The following SGCZ variants were observed in gnomAD, a reference collection of about 807,000 sequenced individuals.
SGCZ encodes the protein sarcoglycan zeta.
In SGCZ, 40 loss-of-function variants were observed where a neutral mutation model predicts 41.3. The ratio of observed to expected loss-of-function variants is 0.97; its 90% CI spans 0.75 to 1.26. SGCZ has a LOEUF of 1.26. Among genes scored for constraint, SGCZ ranks in the 50% most tolerant of loss-of-function variants. The pLI is 0.00. For synonymous variants in SGCZ, 206 were observed against 137.5 expected, an observed-to-expected ratio of 1.50 and a Z score of -3.49; for missense variants, 552 against 369.8, an observed-to-expected ratio of 1.49 and a Z score of -4.04.
At chr8:14,846,668 CA>C (rs2130640965) in intron 1 of SGCZ, among the ~76,000 whole-genome samples, 1 of 98,944 alleles carries the variant, frequency 1.0e-5, no homozygotes, top group South Asian at 3.5e-4. Flanking sequence ...GTATATATTT[CA>C]ACAAATGAAT....
intron 2 of SGCZ, among the ~76,000 whole-genome samples, chr8:14,501,608 C>T (rs1039366989): frequency 8.4e-6 from 1 of 118,904 alleles, no homozygotes; most frequent in African/African-American, 2.9e-5. Context: ...TTTAGTTATC[C>T]AGGTTTTTTT....
At chr8:14,772,725 A>G (rs527849816) in intron 1 of SGCZ, among the ~76,000 whole-genome samples, 12 of 151,256 alleles carry the variant, frequency 7.9e-5, no homozygotes, top group African/African-American at 2.4e-5. Context: ...ATGATTTCCA[A>G]TTTCATCCAT....
At chr8:14,851,368 C>CAAAAAAAAAAAAAAAAAAAAAAA (rs369090223) in intron 1 of SGCZ, among the ~76,000 whole-genome samples, 57 of 61,848 alleles carry the variant, frequency 9.2e-4, no homozygotes, top group Non-Finnish European at 1.2e-3. Context: ...GACTCCATCT[C>CAAAAAAAAAAAAAAAAAAAAAAA]AAAAAAAAAA....
chr8:14,141,761 T>C (rs901098554), intron 5 of SGCZ, among the ~76,000 whole-genome samples: 1 of 152,158 alleles, frequency 6.6e-6, no homozygotes, highest in Non-Finnish European at 1.5e-5. Flanking sequence ...AGTGTGGCAA[T>C]TCCTCAAGGA....
At chr8:14,372,678 T>C (rs1803956637) in intron 2 of SGCZ, among the ~76,000 whole-genome samples, 1 of 152,016 alleles carries the variant, frequency 6.6e-6, no homozygotes, top group Non-Finnish European at 1.5e-5. Context: ...CTGTAGAATT[T>C]TGGAGATATC....
At chr8:14,539,032 C>T (rs1176822001) in intron 2 of SGCZ, among the ~76,000 whole-genome samples, 1 of 151,980 alleles carries the variant, frequency 6.6e-6, no homozygotes, top group Non-Finnish European at 1.5e-5. Flanking sequence ...ATAAGATCAA[C>T]ATATAAATCA....
rs192927214 is a variant in SGCZ, at chr8:14,526,978, T to C, written c.234+27754A>G. On this transcript the variant is annotated intron_variant, in intron 2 of 7. Coordinates refer to ENST00000382080, the MANE Select transcript of SGCZ (RefSeq NM_139167.4). ...ACAGACAACTGCCGACTTGTACCAA[T>C]TAATATTTTTAAATATTTAATATTG... is the stretch of plus-strand genomic sequence containing the variant. Among the ~76,000 whole-genome samples the C allele has an allele frequency of 2.1e-3, 323 of 152,236 alleles. 1 individual carries two copies. Among genetic ancestry groups the C allele is most frequent in the Non-Finnish European group, 3.3e-3 (227 of 68,008 alleles).
chr8:14,617,629 G>A lies in SGCZ; in HGVS notation c.40-62703C>T, dbSNP rs529348508. ...AAATTCAGAGAACAGAGAACTAAAT[G>A]TGGAGTGGTAATCCAGGGAAAATGT... is the stretch of plus-strand genomic sequence containing the variant. On this transcript the variant is annotated intron_variant, in intron 1 of 7. Coordinates refer to ENST00000382080, the MANE Select transcript of SGCZ (RefSeq NM_139167.4). Among the ~76,000 whole-genome samples the A allele has an allele frequency of 1.2e-4, 19 of 152,252 alleles. No homozygotes were observed. The South Asian group carries it at 3.3e-3, about 27-fold the overall frequency.
intron 1 of SGCZ, among the ~76,000 whole-genome samples, chr8:14,671,263 G>A (rs1808092655): frequency 6.6e-6 from 1 of 152,168 alleles, no homozygotes; most frequent in Non-Finnish European, 1.5e-5. Context: ...ATCTTTTTAT[G>A]ACCTCTACTG....
intron 5 of SGCZ, among the ~76,000 whole-genome samples, chr8:14,146,890 A>T (rs9693259): frequency 5.2e-5 from 6 of 116,266 alleles, no homozygotes; most frequent in African/African-American, 1.8e-4. Context: ...AAAATAAAAA[A>T]AATAATAATA....
At chr8:15,098,168 G>A (rs1806458553) in intron 1 of SGCZ, among the ~76,000 whole-genome samples, 1 of 151,470 alleles carries the variant, frequency 6.6e-6, no homozygotes, top group Non-Finnish European at 1.5e-5. Flanking sequence ...AACAGATGTT[G>A]TAAAAGGAAA....
chr8:14,266,668 A>C (rs1052034582), intron 3 of SGCZ, among the ~76,000 whole-genome samples: 3 of 152,118 alleles, frequency 2.0e-5, no homozygotes, highest in Non-Finnish European at 4.4e-5. Flanking sequence ...CTGATGGGTC[A>C]TTGTGAGGGT....
At chr8:14,936,051 C>G (rs967595333) in intron 1 of SGCZ, among the ~76,000 whole-genome samples, 2 of 151,854 alleles carry the variant, frequency 1.3e-5, no homozygotes, top group African/African-American at 4.8e-5. Context: ...CTTGTATGTA[C>G]CTAGACTTTA....
At chr8:15,185,631 C>T (rs1348572262) in intron 1 of SGCZ, among the ~76,000 whole-genome samples, 1 of 152,148 alleles carries the variant, frequency 6.6e-6, no homozygotes, top group Admixed American at 6.5e-5. Flanking sequence ...CCATCTTGGA[C>T]AGCACAGAAT....
intron 2 of SGCZ, among the ~76,000 whole-genome samples, chr8:14,516,785 A>T (rs1802635001): frequency 6.6e-6 from 1 of 152,110 alleles, no homozygotes; most frequent in Admixed American, 6.6e-5. Context: ...AATCTGTGCC[A>T]TCCAGAAGTA....
At chr8:14,231,713 A>C (rs1806578594) in intron 4 of SGCZ, among the ~76,000 whole-genome samples, 1 of 152,154 alleles carries the variant, frequency 6.6e-6, no homozygotes, top group African/African-American at 2.4e-5. Context: ...CTTTTAATGT[A>C]GAGTTGTTAA....
intron 2 of SGCZ, among the ~76,000 whole-genome samples, chr8:14,472,158 T>G (rs1379623773): frequency 6.6e-6 from 1 of 152,104 alleles, no homozygotes; most frequent in African/African-American, 2.4e-5. Flanking sequence ...CAATTGTAAT[T>G]TTAGAAGTGA....
chr8:14,508,616 C>G (rs191366630), intron 2 of SGCZ, among the ~76,000 whole-genome samples: 7 of 152,130 alleles, frequency 4.6e-5, no homozygotes, highest in Non-Finnish European at 7.4e-5. Flanking sequence ...TGGTGGGTCA[C>G]TAACTTTCCC....
At chr8:15,186,979 C>T (rs1440107070) in intron 1 of SGCZ, among the ~76,000 whole-genome samples, 1 of 152,032 alleles carries the variant, frequency 6.6e-6, no homozygotes, top group Non-Finnish European at 1.5e-5. Flanking sequence ...GAGAGGAGAC[C>T]TTTCTATTTG....
Sources: allele counts gnomAD v4.1 joint callset (sites outside exome capture counted in the v4.1 genomes callset), GRCh38; gene constraint gnomAD v4.1.1; transcripts MANE v1.5; gene names NCBI Gene and HGNC (gene_info 2026-07-23, HGNC 2026-07-21).